Variants in SHISAL1 observed in about 807,000 individuals in gnomAD.
SHISAL1 encodes the protein protein shisa-like-1.
A neutral mutation model predicts 22.6 loss-of-function variants in SHISAL1; 9 were observed. That is an observed-to-expected ratio of 0.40 (90% CI 0.24 to 0.70). The LOEUF is 0.70. Among genes scored for constraint, SHISAL1 ranks in the 30% least tolerant of loss-of-function variants. The pLI, the probability that SHISAL1 is intolerant of heterozygous loss-of-function variation, is 0.39. For synonymous variants in SHISAL1, 119 were observed against 115.4 expected, an observed-to-expected ratio of 1.03 and a Z score of -0.20; for missense variants, 246 against 270.6, an observed-to-expected ratio of 0.91 and a Z score of 0.64.
intron 1 of SHISAL1, among the ~76,000 whole-genome samples, chr22:44,303,849 G>C (rs1004456198): frequency 1.3e-5 from 2 of 152,072 alleles, no homozygotes; most frequent in African/African-American, 2.4e-5. Flanking sequence ...TCCTGGCCTG[G>C]CTGAACCACC....
intron 4 of SHISAL1, among the ~76,000 whole-genome samples, chr22:44,260,853 T>G (rs879585073): frequency 3.3e-5 from 5 of 152,056 alleles, no homozygotes; most frequent in Non-Finnish European, 7.4e-5. Flanking sequence ...TGGTTGCCCC[T>G]GCATGGCAGT....
At chr22:44,330,851 C>T in the SHISAL1 span, among the ~76,000 whole-genome samples, 1 of 152,070 alleles carries the variant, frequency 6.6e-6, no homozygotes, top group Non-Finnish European at 1.5e-5. Context: ...GATTCGGCCC[C>T]GGAGGCGACA....
chr22:44,289,498 A>C (rs907959028), intron 3 of SHISAL1, among the ~76,000 whole-genome samples: 32 of 105,490 alleles, frequency 3.0e-4, no homozygotes, highest in Non-Finnish European at 2.6e-4. Flanking sequence ...GTGTGTGTTT[A>C]CTGCCGGGCT....
chr22:44,294,351 C>A (rs1014158632), intron 3 of SHISAL1, among the ~76,000 whole-genome samples: 7 of 152,134 alleles, frequency 4.6e-5, no homozygotes, highest in African/African-American at 1.7e-4. Flanking sequence ...GGCGGCTTCC[C>A]CCTGAGTGAA....
chr22:44,324,888 G>C, the SHISAL1 span, among the ~76,000 whole-genome samples: 2 of 152,184 alleles, frequency 1.3e-5, no homozygotes, highest in Non-Finnish European at 2.9e-5. Flanking sequence ...GCACCCAGCT[G>C]ATGCTACACT....
chr22:44,272,327 G>A (rs2055211212), intron 4 of SHISAL1, among the ~76,000 whole-genome samples: 1 of 152,196 alleles, frequency 6.6e-6, no homozygotes, highest in African/African-American at 2.4e-5. Context: ...TTTGGCTGAA[G>A]ACATTGATTT....
At chr22:44,268,061 C>A (rs150756768) in intron 4 of SHISAL1, among the ~76,000 whole-genome samples, 1 of 152,212 alleles carries the variant, frequency 6.6e-6, no homozygotes, top group Non-Finnish European at 1.5e-5. Flanking sequence ...ATTCACAACC[C>A]GCTTGTAGCC....
the SHISAL1 span, among the ~76,000 whole-genome samples, chr22:44,330,278 G>T: frequency 2.6e-5 from 4 of 152,206 alleles, no homozygotes; most frequent in African/African-American, 9.7e-5. Flanking sequence ...AAACGGGCTG[G>T]GAAGCCTCAG....
the SHISAL1 span, among the ~76,000 whole-genome samples, chr22:44,320,507 G>C: frequency 6.6e-6 from 1 of 152,218 alleles, no homozygotes; most frequent in Non-Finnish European, 1.5e-5. Context: ...AGCTGAGAGG[G>C]AGAGAAAATA....
At chr22:44,273,111 A>G (rs1000253450) in intron 4 of SHISAL1, among the ~76,000 whole-genome samples, 4 of 152,160 alleles carry the variant, frequency 2.6e-5, no homozygotes, top group African/African-American at 9.7e-5. Context: ...AAAAAACAAA[A>G]AAAACCACAT....
the SHISAL1 span, among the ~76,000 whole-genome samples, chr22:44,323,681 A>ATCCATCCT: frequency 0.18 from 26,907 of 150,424 alleles, 2,696 homozygotes; most frequent in East Asian, 0.28. Flanking sequence ...CCATCCATCC[A>ATCCATCCT]TCCATCCATC....
chr22:44,298,863 G>A (rs868476230), intron 2 of SHISAL1, among the ~76,000 whole-genome samples: 2 of 152,232 alleles, frequency 1.3e-5, no homozygotes, highest in Non-Finnish European at 2.9e-5. Context: ...GGCGGTCAGC[G>A]CCATGGGCTT....
chr22:44,291,930 C>T (rs1348522396), intron 3 of SHISAL1, among the ~76,000 whole-genome samples: 1 of 152,152 alleles, frequency 6.6e-6, no homozygotes, highest in African/African-American at 2.4e-5. Flanking sequence ...CACTTCTCAC[C>T]ACGTCAGGGC....
At chr22:44,327,460 C>T in the SHISAL1 span, among the ~76,000 whole-genome samples, 1 of 152,094 alleles carries the variant, frequency 6.6e-6, no homozygotes, top group Middle Eastern at 3.4e-3. Flanking sequence ...GGAAGGGGCT[C>T]ATGATAACTG....
intron 4 of SHISAL1, among the ~76,000 whole-genome samples, chr22:44,250,101 G>T (rs1412657068): frequency 1.3e-5 from 2 of 152,194 alleles, no homozygotes; most frequent in African/African-American, 2.4e-5. Context: ...ACTGACCTCA[G>T]CAATTACTAG....
At chr22:44,317,704 A>G (rs1000806766), upstream of SHISAL1, among the ~76,000 whole-genome samples, 6 of 152,186 alleles carry the variant, frequency 3.9e-5, no homozygotes, top group African/African-American at 1.2e-4. Flanking sequence ...GGGGAAGGCA[A>G]GGAGGGCAGA....
intron 1 of SHISAL1, among the ~76,000 whole-genome samples, chr22:44,303,226 C>G (rs1253686495): frequency 1.3e-5 from 2 of 152,022 alleles, no homozygotes; most frequent in Non-Finnish European, 2.9e-5. Flanking sequence ...ACCCCATCCT[C>G]TCCCTGGTGG....
At chr22:44,305,082 CTT>C (rs1569225924) in intron 1 of SHISAL1, among the ~76,000 whole-genome samples, 1 of 152,196 alleles carries the variant, frequency 6.6e-6, no homozygotes, top group Non-Finnish European at 1.5e-5. Flanking sequence ...TCCTGCATCA[CTT>C]TAGAAGCTGC....
intron 4 of SHISAL1, among the ~76,000 whole-genome samples, chr22:44,278,215 T>C (rs1384649747): frequency 6.6e-6 from 1 of 152,232 alleles, no homozygotes; most frequent in East Asian, 1.9e-4. Context: ...CCTCCCAGCC[T>C]CCATCTTTCT....
Sources: allele counts gnomAD v4.1 joint callset (sites outside exome capture counted in the v4.1 genomes callset), GRCh38; gene constraint gnomAD v4.1.1; transcripts MANE v1.5; gene names NCBI Gene and HGNC (gene_info 2026-07-23, HGNC 2026-07-21).